Variants in PLXDC2 observed in about 807,000 individuals in gnomAD.
PLXDC2 encodes plexin domain containing 2.
In PLXDC2, 40 loss-of-function variants were observed where a neutral mutation model predicts 68.9. That is an observed-to-expected ratio of 0.58 (90% CI 0.45 to 0.76). The LOEUF (loss-of-function observed/expected upper bound fraction) is 0.76, where lower values mean the gene tolerates loss of function less well. PLXDC2 is among the 30% of genes least tolerant of loss of function. The pLI, the probability that PLXDC2 is intolerant of heterozygous loss-of-function variation, is 0.00. For synonymous variants in PLXDC2, 243 were observed against 234.2 expected (o/e 1.04, Z -0.34); for missense variants, 644 against 661.9 (o/e 0.97, Z 0.30).
At chr10:19,917,835 C>A (rs934370865) in intron 1 of PLXDC2, among the ~76,000 whole-genome samples, 2 of 152,152 alleles carry the variant, frequency 1.3e-5, no homozygotes, top group Non-Finnish European at 2.9e-5. Context: ...CTGTGAATAA[C>A]TCATAAACTG....
chr10:20,062,563 T>C (rs1231569930), intron 3 of PLXDC2, among the ~76,000 whole-genome samples: 3 of 152,190 alleles, frequency 2.0e-5, no homozygotes, highest in Non-Finnish European at 4.4e-5. Context: ...AAGCATTGAA[T>C]AATTTGGAAA....
At chr10:20,221,210 T>C (rs1451849049) in intron 12 of PLXDC2, among the ~76,000 whole-genome samples, 1 of 152,188 alleles carries the variant, frequency 6.6e-6, no homozygotes, top group Non-Finnish European at 1.5e-5. Flanking sequence ...ATAAAGAGTT[T>C]TCTAGAACAT....
intron 13 of PLXDC2, among the ~76,000 whole-genome samples, chr10:20,256,929 G>C (rs145848814): frequency 3.0e-4 from 46 of 152,154 alleles, no homozygotes; most frequent in Non-Finnish European, 4.0e-4. Flanking sequence ...AAAAGAAGCA[G>C]GGTCCATTCT....
At chr10:19,976,454 C>T (rs1834458239) in intron 1 of PLXDC2, among the ~76,000 whole-genome samples, 2 of 152,126 alleles carry the variant, frequency 1.3e-5, no homozygotes, top group South Asian at 4.1e-4. Flanking sequence ...ACCGCGTGAT[C>T]CACCCTCCTT....
At chr10:20,233,511 C>G (rs944775988) in intron 12 of PLXDC2, among the ~76,000 whole-genome samples, 1 of 152,158 alleles carries the variant, frequency 6.6e-6, no homozygotes, top group Non-Finnish European at 1.5e-5. Flanking sequence ...ATTTAATCCT[C>G]ACAGCACCCT....
intron 1 of PLXDC2, among the ~76,000 whole-genome samples, chr10:19,846,641 G>A (rs904403587): frequency 6.6e-6 from 1 of 152,008 alleles, no homozygotes; most frequent in African/African-American, 2.4e-5. Context: ...TTTTTTGGGG[G>A]GTCTGATATC....
chr10:20,123,953 A>G (rs1396326975), intron 4 of PLXDC2, among the ~76,000 whole-genome samples: 4 of 151,910 alleles, frequency 2.6e-5, no homozygotes, highest in Non-Finnish European at 4.4e-5. Flanking sequence ...TCCCTCCCCT[A>G]GAAAAGCGGG....
At chr10:19,894,899 C>G (rs1364823162) in intron 1 of PLXDC2, among the ~76,000 whole-genome samples, 2 of 152,144 alleles carry the variant, frequency 1.3e-5, no homozygotes, top group African/African-American at 4.8e-5. Flanking sequence ...ACTAGAAATA[C>G]CATTTGACCC....
chr10:19,869,921 A>C (rs1164590609), intron 1 of PLXDC2, among the ~76,000 whole-genome samples: 3 of 152,202 alleles, frequency 2.0e-5, no homozygotes, highest in African/African-American at 7.2e-5. Flanking sequence ...TGGTCATTAA[A>C]GCCTTTAATA....
chr10:20,195,444 A>T (rs7082218), intron 9 of PLXDC2, among the ~76,000 whole-genome samples: 70,856 of 151,932 alleles, frequency 0.47, 16,682 homozygotes, highest in Middle Eastern at 0.55. Flanking sequence ...GTGGGTGCAA[A>T]TCAAAGCTGT....
At chr10:20,083,994 TG>T (rs1337230916) in intron 4 of PLXDC2, among the ~76,000 whole-genome samples, 1 of 152,238 alleles carries the variant, frequency 6.6e-6, no homozygotes, top group Non-Finnish European at 1.5e-5. Flanking sequence ...TTTATGTTAT[TG>T]GCAACTATTT....
chr10:20,147,356 A>G (rs1253049538), intron 5 of PLXDC2, among the ~76,000 whole-genome samples: 1 of 152,148 alleles, frequency 6.6e-6, no homozygotes, highest in South Asian at 2.1e-4. Context: ...TGGAAAAGAC[A>G]TTTTCAGGTC....
At chr10:20,248,272 ATTGT>A in intron 13 of PLXDC2, among the ~76,000 whole-genome samples, 1 of 152,154 alleles carries the variant, frequency 6.6e-6, no homozygotes, top group South Asian at 2.1e-4. Context: ...TATTAGTCTC[ATTGT>A]CTTATGTCTC....
At chr10:20,061,049 A>G (rs186090779) in intron 3 of PLXDC2, among the ~76,000 whole-genome samples, 1 of 152,316 alleles carries the variant, frequency 6.6e-6, no homozygotes, top group Non-Finnish European at 1.5e-5. Context: ...AAAAATTTTT[A>G]AAGAGTTTCC....
At chr10:20,230,693 CAAAAAAAAAA>C (rs1191613913) in intron 12 of PLXDC2, among the ~76,000 whole-genome samples, 1 of 37,802 alleles carries the variant, frequency 2.6e-5, no homozygotes, top group Non-Finnish European at 5.0e-5. Flanking sequence ...GACCTTGTCT[CAAAAAAAAAA>C]AAAAAAAAAA....
intron 1 of PLXDC2, among the ~76,000 whole-genome samples, chr10:19,969,609 G>A (rs1253213178): frequency 6.6e-6 from 1 of 152,124 alleles, no homozygotes; most frequent in African/African-American, 2.4e-5. Flanking sequence ...ACTCCATTTG[G>A]GGAAAAACGA....
chr10:20,041,125 C>T (rs1240249393), intron 2 of PLXDC2, among the ~76,000 whole-genome samples: 1 of 152,144 alleles, frequency 6.6e-6, no homozygotes, highest in African/African-American at 2.4e-5. Context: ...TAACCACATG[C>T]TGAATACAGC....
intron 4 of PLXDC2, among the ~76,000 whole-genome samples, chr10:20,137,500 T>C (rs1833949179): frequency 6.6e-6 from 1 of 152,254 alleles, no homozygotes; most frequent in South Asian, 2.1e-4. Context: ...AATCTATTTA[T>C]GAAATCTTCC....
Position 20,289,236 on chromosome 10 carries a change from C to G in PLXDC2, c.*9417C>G, listed in dbSNP as rs1331555717. The G allele has an allele frequency of 6.6e-6, 1 of 152,064 alleles. No individual in the cohort carries two copies. The highest frequency in any genetic ancestry group is 1.5e-5 in the Non-Finnish European group (1 of 68,030). The allele number at this position is 152,064 out of a possible 1,614,324, so 9.4% of individuals were successfully genotyped here. ...GGAAACTGATACTAGCTAGAGGGAG[C>G]TGTAGAAAACAAAGATTTCAGGATT... On this transcript the variant is annotated 3_prime_UTR_variant, in exon 14 of 14. Coordinates refer to ENST00000377252, the MANE Select transcript of PLXDC2 (RefSeq NM_032812.9).
Sources: gnomAD v4.1 joint callset for allele counts (sites outside exome capture counted in the v4.1 genomes callset) on GRCh38, gnomAD v4.1.1 for gene constraint, MANE v1.5 for transcripts, NCBI Gene and HGNC (gene_info 2026-07-23, HGNC 2026-07-21) for gene names.